EPPIN: variants seen among roughly 807,000 people sequenced by gnomAD.
The protein encoded by EPPIN is WAP four-disulfide core domain protein 7.
EPPIN carries 14 observed loss-of-function variants against 18.8 expected under a neutral mutation model. The ratio of observed to expected loss-of-function variants is 0.75; its 90% CI spans 0.49 to 1.17. The LOEUF (loss-of-function observed/expected upper bound fraction) is 1.17. EPPIN is among the 50% of genes most tolerant of loss of function. The pLI is 0.00. For synonymous variants in EPPIN, 57 were observed against 54.8 expected (o/e 1.04, Z -0.18); for missense variants, 143 against 154.2 (o/e 0.93, Z 0.39).
At chr20:45,545,592 A>T (rs764287317) in intron 2 of EPPIN, 47 bp downstream of exon 2, 3 of 1,611,992 alleles carry the variant, frequency 1.9e-6, no homozygotes, top group African/African-American at 1.3e-5. Context: ...GCAGAAGGTG[A>T]GGACAGGGGG....
At position 45,542,082 on chromosome 20, in the gene EPPIN, C is replaced by T. The variant is rs188765946; in HGVS notation, c.*62G>A. The T allele has an allele frequency of 7.9e-4, 1,272 of 1,606,780 alleles. No individual in the cohort carries two copies. Among genetic ancestry groups the T allele is most frequent in the Admixed American group, 1.7e-3 (98 of 59,092 alleles). Reference sequence around the variant, plus strand: ...GCCAGTCTGGAGCATCCGTCAGGTACAGGAACAGTACTCAGAGCATGAGCC... The same window carrying T: ...GCCAGTCTGGAGCATCCGTCAGGTATAGGAACAGTACTCAGAGCATGAGCC... On this transcript the variant is annotated 3_prime_UTR_variant, in exon 4 of 4. Coordinates refer to ENST00000354280, the MANE Select transcript of EPPIN (RefSeq NM_020398.4).
rs1979611685 is a variant in EPPIN at position 45,542,022 on chromosome 20, G to A, written c.*122C>T. ...ATGCAAGCGTTCTGTTCTGGGAAGGGCTAAGATCTTGGAATGCTGAGAGTG... is the reference window on the plus strand; with the variant it reads ...ATGCAAGCGTTCTGTTCTGGGAAGGACTAAGATCTTGGAATGCTGAGAGTG... On this transcript the variant is annotated 3_prime_UTR_variant, in exon 4 of 4. Coordinates refer to ENST00000354280, the MANE Select transcript of EPPIN (RefSeq NM_020398.4). The A allele has an allele frequency of 7.7e-7, 1 of 1,296,730 alleles. No individual in the cohort carries two copies. The highest frequency in any genetic ancestry group is 1.1e-6 in the Non-Finnish European group (1 of 926,844). 80.3% of individuals were successfully genotyped at this position (1,296,730 alleles called of 1,614,324 possible).
At position 45,542,051 on chromosome 20, in the gene EPPIN, C is replaced by T. The variant is rs1979612913; in HGVS notation, c.*93G>A. On this transcript the variant is annotated 3_prime_UTR_variant, in exon 4 of 4. Coordinates refer to ENST00000354280, the MANE Select transcript of EPPIN (RefSeq NM_020398.4). Reference sequence around the variant, plus strand: ...AGATCTTGGAATGCTGAGAGTGAAACTGGAAGCCAGTCTGGAGCATCCGTC... The same window carrying T: ...AGATCTTGGAATGCTGAGAGTGAAATTGGAAGCCAGTCTGGAGCATCCGTC... 6.5e-7 allele frequency: 1 copy of T among 1,535,162 alleles called. No individual in the cohort carries two copies. Among genetic ancestry groups the T allele is most frequent in the Non-Finnish European group, 8.9e-7 (1 of 1,125,178 alleles).
At chr20:45,545,979 C>G (rs1244578380) in intron 1 of EPPIN, 1 of 638,602 alleles carries the variant, frequency 1.6e-6, no homozygotes. Flanking sequence ...TCTATTCCCA[C>G]CCCCCAGCTC....
chr20:45,542,119 G>C lies in EPPIN; in HGVS notation c.*25C>G. The C allele has an allele frequency of 6.2e-7, 1 of 1,613,526 alleles. No homozygotes were observed. Among genetic ancestry groups the C allele is most frequent in the Non-Finnish European group, 8.5e-7 (1 of 1,179,710 alleles). Reference sequence around the variant, plus strand: ...TCAGAGCATGAGCCACATTCTGGCAGTTCTTCCAGTGCATCCTTATCCAAT... The same window carrying C: ...TCAGAGCATGAGCCACATTCTGGCACTTCTTCCAGTGCATCCTTATCCAAT... On this transcript the variant is annotated 3_prime_UTR_variant, in exon 4 of 4. Transcript: ENST00000354280.
At position 45,541,271 on chromosome 20, in the gene EPPIN, G is replaced by A. The variant is rs912928827; in HGVS notation, c.*873C>T. Reference sequence around the variant, plus strand: ...GGGAGGGAAAGCATCAGGATAAATAGCTAATGCATGCGGGGCTTAATACCC... The same window carrying A: ...GGGAGGGAAAGCATCAGGATAAATAACTAATGCATGCGGGGCTTAATACCC... On this transcript the variant is annotated 3_prime_UTR_variant, in exon 4 of 4. Transcript: ENST00000354280. The A allele has an allele frequency of 1.3e-5, 2 of 152,162 alleles. No individual in the cohort carries two copies. The highest frequency in any genetic ancestry group is 2.4e-5 in the African/African-American group (1 of 41,440). The allele number at this position is 152,162 out of a possible 1,614,324, so 9.4% of individuals were successfully genotyped here.
At chr20:45,547,069 G>A (rs180758228) in intron 1 of EPPIN, among the ~76,000 whole-genome samples, 198 bp downstream of exon 1, 25 of 152,180 alleles carry the variant, frequency 1.6e-4, no homozygotes, top group African/African-American at 5.8e-4. Context: ...CTGAAAGTGG[G>A]GATTGCCTAA....
In EPPIN at chr20:45,541,823, T is replaced by A. The variant is rs1262431839; in HGVS notation, c.*321A>T. The A allele has an allele frequency of 1.7e-5, 5 of 297,000 alleles. No homozygotes were observed. Among genetic ancestry groups the A allele is most frequent in the Non-Finnish European group, 3.1e-5 (5 of 159,340 alleles). 18.4% of individuals were successfully genotyped at this position (297,000 alleles called of 1,614,324 possible). A position where few individuals can be genotyped will look rare whatever the true frequency, so the allele number is the denominator to read the frequency against. ...GTGTAATGTGCCAAAAAGATGTCAA[T>A]CACTCAGCCTCAAGGCACAGGACTA... On this transcript the variant is annotated 3_prime_UTR_variant, in exon 4 of 4. Transcript: ENST00000354280.
Position 45,541,382 on chromosome 20 carries a change from G to A in EPPIN, c.*762C>T, listed in dbSNP as rs1979583374. Reference sequence around the variant, plus strand: ...CTGCAGGTCCTGCACATGTATCCCGGAACGTAAAATAAAATAAAATATTTT... The same window carrying A: ...CTGCAGGTCCTGCACATGTATCCCGAAACGTAAAATAAAATAAAATATTTT... On this transcript the variant is annotated 3_prime_UTR_variant, in exon 4 of 4. Transcript: ENST00000354280. 2.6e-5 allele frequency: 4 copies of A among 152,176 alleles called. No individual in the cohort carries two copies. In the South Asian group the frequency reaches 8.3e-4, roughly 32 times the overall value. 9.4% of individuals were successfully genotyped at this position (152,176 alleles called of 1,614,324 possible). A position where few individuals can be genotyped will look rare whatever the true frequency, so the allele number is the denominator to read the frequency against.
intron 1 of EPPIN, chr20:45,545,985 A>T (rs1426152615): frequency 1.6e-6 from 1 of 625,246 alleles, no homozygotes; most frequent in Non-Finnish European, 2.7e-6. Flanking sequence ...CCCACCCCCC[A>T]GCTCCATCCC....
rs897635213 is a variant in EPPIN at position 45,542,173 on chromosome 20, A to G, written c.392-19T>C. On this transcript the variant is annotated intron_variant, in intron 3 of 3. Coordinates refer to ENST00000354280, the MANE Select transcript of EPPIN (RefSeq NM_020398.4). ...GGAAAGCCTGCAGAGAACGTAGGAC[A>G]GAAACAGCTGAGCATCTTGGGTTCA... The G allele has an allele frequency of 2.5e-6, 4 of 1,613,372 alleles. No individual in the cohort carries two copies. The highest frequency in any genetic ancestry group is 1.7e-4 in the Middle Eastern group (1 of 6,054).
chr20:45,546,507 C>G (rs771377200), intron 1 of EPPIN: 3 of 152,224 alleles, frequency 2.0e-5, no homozygotes, highest in Non-Finnish European at 4.4e-5. Context: ...GCCGAGCACT[C>G]TTCTAAGCAT....
chr20:45,545,554 G>A (rs766440090), intron 2 of EPPIN, 85 bp downstream of exon 2: 14 of 1,598,430 alleles, frequency 8.8e-6, no homozygotes, highest in South Asian at 4.5e-5. Flanking sequence ...AGCCCTCAGC[G>A]ATCAGGGCAC....
chr20:45,542,947 G>A (rs2231837), intron 2 of EPPIN, 80 bp from the exon 3 acceptor site: 25,798 of 1,522,140 alleles, frequency 0.017, 1,127 homozygotes, highest in African/African-American at 0.13. Flanking sequence ...CCTGGCAACT[G>A]CTATAGAAGA....
intron 2 of EPPIN, chr20:45,545,438 A>G (rs1568989692): frequency 1.3e-6 from 1 of 781,586 alleles, no homozygotes; most frequent in Admixed American, 3.0e-5. Context: ...TGAGTCTCAG[A>G]CATTACCTGA....
intron 1 of EPPIN, 46 bp from the exon 2 acceptor site, chr20:45,545,816 T>G (rs1343863382): frequency 6.2e-7 from 1 of 1,602,136 alleles, no homozygotes; most frequent in Non-Finnish European, 8.5e-7. Context: ...GAGAGCATAG[T>G]GTCTCCCCAC....
At position 45,542,052 on chromosome 20, in the gene EPPIN, T is replaced by C; in HGVS notation, c.*92A>G. ...GATCTTGGAATGCTGAGAGTGAAAC[T>C]GGAAGCCAGTCTGGAGCATCCGTCA... On this transcript the variant is annotated 3_prime_UTR_variant, in exon 4 of 4. Transcript: ENST00000354280. The C allele has an allele frequency of 2.6e-6, 4 of 1,538,184 alleles. No individual in the cohort carries two copies. The East Asian group carries it at 9.1e-5, about 35-fold the overall frequency.
intron 2 of EPPIN, 197 bp from the exon 3 acceptor site, chr20:45,543,064 A>G (rs1439946749): frequency 3.4e-5 from 30 of 875,712 alleles, no homozygotes; most frequent in Non-Finnish European, 4.9e-5. Context: ...GCATCCCTGG[A>G]GATAGGGTTG....
At position 45,547,340 on chromosome 20, in the gene EPPIN, A is replaced by G. The variant is rs570730459; in HGVS notation, c.18T>C (p.Leu6=). The change falls in exon 1 of 4, where the codon CTT becomes CTC. Residue 6 remains leucine, a synonymous_variant. Coordinates refer to ENST00000354280, the MANE Select transcript of EPPIN (RefSeq NM_020398.4). MGSSG[L]LSLLVLFVLL... is the part of the protein sequence containing the mutation. Reference sequence around the variant, plus strand: ...GGACGAATAGCACCAGGAGGCTCAAAAGTCCAGAAGATCCCATGTTGAAGA... The same window carrying G: ...GGACGAATAGCACCAGGAGGCTCAAGAGTCCAGAAGATCCCATGTTGAAGA... 1.9e-6 allele frequency: 3 copies of G among 1,613,890 alleles called. No homozygotes were observed. Among genetic ancestry groups the G allele is most frequent in the South Asian group, 1.1e-5 (1 of 91,084 alleles).
Sources: allele counts gnomAD v4.1 joint callset (sites outside exome capture counted in the v4.1 genomes callset), GRCh38; gene constraint gnomAD v4.1.1; transcripts MANE v1.5; gene names NCBI Gene and HGNC (gene_info 2026-07-23, HGNC 2026-07-21).